ASAH1: variants seen among roughly 807,000 people sequenced by gnomAD.
The protein encoded by ASAH1 is N-acylsphingosine amidohydrolase 1, also known as acid ceramidase.
Under a neutral mutation model 59.5 loss-of-function variants are expected in ASAH1, and 70 were observed. The observed-to-expected ratio is 1.18, with a 90% CI of 0.97 to 1.43. The LOEUF (loss-of-function observed/expected upper bound fraction) is 1.43, where lower values mean the gene tolerates loss of function less well. Among genes scored for constraint, ASAH1 ranks in the 40% most tolerant of loss-of-function variants. The pLI is 0.00. For missense variants in ASAH1, 660 were observed against 482.5 expected (o/e 1.37, Z -3.45); for synonymous variants, 213 against 166.5 (o/e 1.28, Z -2.15).
At chr8:18,073,476 T>C (rs375054339) in intron 2 of ASAH1, among the ~76,000 whole-genome samples, 1 of 152,204 alleles carries the variant, frequency 6.6e-6, no homozygotes, top group Admixed American at 6.5e-5. Context: ...CTAGGTGGCA[T>C]GGAAACTAGT....
chr8:18,058,654 A>G, intron 13 of ASAH1, 181 bp downstream of exon 13: 2 of 620,466 alleles, frequency 3.2e-6, no homozygotes, highest in East Asian at 2.7e-5. Flanking sequence ...CTCAGTGATC[A>G]ATTTCTTTCT....
At chr8:18,084,340 C>T (rs925477591), upstream of ASAH1, 9 of 1,416,190 alleles carry the variant, frequency 6.4e-6, no homozygotes, top group African/African-American at 7.2e-5. Context: ...CCATCCCCCT[C>T]CCCCACCGCG....
At chr8:18,061,101 T>G in intron 10 of ASAH1, 1 of 336,140 alleles carries the variant, frequency 3.0e-6, no homozygotes, top group East Asian at 7.0e-5. Flanking sequence ...TTCTTTTGTG[T>G]GTGGGTCATT....
intron 4 of ASAH1, among the ~76,000 whole-genome samples, chr8:18,069,052 G>T (rs1800048795): frequency 6.7e-6 from 1 of 149,992 alleles, no homozygotes; most frequent in Admixed American, 6.7e-5. Context: ...GAGGCAGAAG[G>T]ATCCCTTGAG....
chr8:18,067,104 CCTGTGCTGTA>C, intron 5 of ASAH1, 106 bp downstream of exon 5: 2 of 468,626 alleles, frequency 4.3e-6, no homozygotes, highest in Non-Finnish European at 6.0e-6. Context: ...GACCTGTGCA[CCTGTGCTGTA>C]TATCTAAGAC....
intron 6 of ASAH1, chr8:18,064,046 A>G (rs1455815585): frequency 6.8e-6 from 2 of 294,808 alleles, no homozygotes; most frequent in African/African-American, 2.2e-5. Context: ...GCTGGTATCC[A>G]TTGGGTTGCC....
At position 18,059,474 on chromosome 8, in the gene ASAH1, A is replaced by G. The variant is rs1371651391; in HGVS notation, c.918-10T>C. ...CTGCTTAGCATCGAGTCTAGATACA[A>G]AAGGAGAGATTCCCTCTTAGGCTAC... On this transcript the variant is annotated splice_polypyrimidine_tract_variant and intron_variant, in intron 11 of 13. Transcript: ENST00000637790. 14 of 1,614,198 alleles carry G rather than the reference A, an allele frequency of 8.7e-6. No homozygotes were observed. Among genetic ancestry groups the G allele is most frequent in the Non-Finnish European group, 1.2e-5 (14 of 1,180,036 alleles).
At chr8:18,072,975 C>G (rs1800234413) in intron 2 of ASAH1, among the ~76,000 whole-genome samples, 1 of 152,110 alleles carries the variant, frequency 6.6e-6, no homozygotes, top group Non-Finnish European at 1.5e-5. Flanking sequence ...TGGGTAGGTT[C>G]ATGGATCTCA....
At chr8:18,084,445 C>A, upstream of ASAH1, 1 of 1,351,566 alleles carries the variant, frequency 7.4e-7, no homozygotes, top group Non-Finnish European at 9.7e-7. Flanking sequence ...CAGGCGGGTG[C>A]AGCCTGTCCC....
At position 18,062,645 on chromosome 8, in the gene ASAH1, T is replaced by C. The variant is rs143902833; in HGVS notation, c.504-222A>G. The C allele has an allele frequency of 2.6e-4, 149 of 562,570 alleles. 1 individual carries two copies. In the East Asian group the frequency reaches 4.3e-3, roughly 16 times the overall value. The allele number at this position is 562,570 out of a possible 1,614,324, so 34.8% of individuals were successfully genotyped here. The stretch of plus-strand genomic sequence containing the variant: ...CTCTCAATATCACACAGCTTATAAA[T>C]AGTGAGCCTCAGATTCAAACATAGA... On this transcript the variant is annotated intron_variant, in intron 7 of 13. Transcript: ENST00000637790.
upstream of ASAH1, chr8:18,084,380 C>T (rs1800804717): frequency 1.4e-6 from 2 of 1,404,410 alleles, no homozygotes; most frequent in East Asian, 5.4e-5. Context: ...CGGAGCCCCG[C>T]CCCGTAGGTG....
In ASAH1 at chr8:18,058,907, A is replaced by G. The variant is rs1799576370; in HGVS notation, c.1042-16T>C. ...ATGAGATATTCTAAAACACAAGAAA[A>G]TAGTTTTGTTCAGTAAGTTAAATAC... On this transcript the variant is annotated splice_polypyrimidine_tract_variant and intron_variant, in intron 12 of 13. Coordinates refer to ENST00000637790, the MANE Select transcript of ASAH1 (RefSeq NM_177924.5). 1 of 1,607,698 alleles carries G rather than the reference A, an allele frequency of 6.2e-7. No homozygotes were observed. The highest frequency in any genetic ancestry group is 8.5e-7 in the Non-Finnish European group (1 of 1,174,376).
Position 18,059,425 on chromosome 8 carries a change from T to C in ASAH1, c.957A>G (p.Thr319=), listed in dbSNP as rs1564535533. 6.2e-7 allele frequency: 1 copy of C among 1,614,194 alleles called. No individual in the cohort carries two copies. Among genetic ancestry groups the C allele is most frequent in the East Asian group, 2.2e-5 (1 of 44,880 alleles). ...AKQGRWYVVQ[T]NYDRWKHPFF... is the part of the protein sequence containing the mutation. ...AGGGATGTTTCCAACGGTCATAATT[T>C]GTTTGTACCACATACCATCTACCCT... is the stretch of plus-strand genomic sequence containing the variant. The change falls in exon 12 of 14, where the codon ACA becomes ACG. Residue 319 remains threonine, a synonymous_variant. Transcript: ENST00000637790.
intron 7 of ASAH1, chr8:18,062,778 T>C (rs540623314): frequency 2.4e-4 from 91 of 385,966 alleles, no homozygotes; most frequent in African/African-American, 1.8e-3. Flanking sequence ...TTATCTTCAC[T>C]TATGATCACA....
At chr8:18,070,294 CAT>C (rs2117058194) in intron 3 of ASAH1, among the ~76,000 whole-genome samples, 2 of 152,328 alleles carry the variant, frequency 1.3e-5, no homozygotes, top group Admixed American at 1.3e-4. Context: ...GGACTACAGG[CAT>C]GCACCACCAT....
upstream of ASAH1, chr8:18,084,771 C>T: frequency 6.2e-7 from 1 of 1,613,654 alleles, no homozygotes; most frequent in South Asian, 1.1e-5. Context: ...GACCCGCGAG[C>T]TTTCTCTCCC....
rs1179307675 is a variant in ASAH1 at position 18,075,002 on chromosome 8, C to CT, written c.125+538dup. Among the ~76,000 whole-genome samples, 147 of 140,186 alleles carry CT rather than the reference C, an allele frequency of 1.0e-3. 4 individuals are homozygous for CT. The East Asian group carries it at 0.018, about 17-fold the overall frequency. 92.0% of individuals were successfully genotyped at this position (140,186 alleles called of 152,430 possible). On this transcript the variant is annotated intron_variant, in intron 2 of 13. Coordinates refer to ENST00000637790, the MANE Select transcript of ASAH1 (RefSeq NM_177924.5). The stretch of plus-strand genomic sequence containing the variant: ...TTGAGTGGAGAATGAAAATCCTTTC[C>CT]TTTTTTTTTTTGAGACAGAGTCTCA...
At position 18,064,461 on chromosome 8, in the gene ASAH1, T is replaced by C. The variant is rs1490863488; in HGVS notation, c.453A>G (p.Lys151=). Residue 151 remains lysine, a synonymous_variant, in exon 6 of 14, where the codon AAA becomes AAG. Transcript: ENST00000637790. The part of the protein sequence containing the change: ...TICTSIVAED[K]KGHLIHGRNM... ...CCTCCCTCAGCGCACAATTACCTTT[T>C]TTGTCTTCTGCTACTATTGAAGTAC... is the stretch of plus-strand genomic sequence containing the variant. 6.4e-7 allele frequency: 1 copy of C among 1,563,592 alleles called. No individual in the cohort carries two copies. The highest frequency in any genetic ancestry group is 8.8e-7 in the Non-Finnish European group (1 of 1,135,706).
rs2283116 is a variant in ASAH1 at position 18,072,990 on chromosome 8, C to T, written c.126-1600G>A. Among the ~76,000 whole-genome samples, 10,028 of 152,058 alleles carry T rather than the reference C, an allele frequency of 0.066. 395 individuals are homozygous for T. Among genetic ancestry groups the T allele is most frequent in the Admixed American group, 0.1 (1,525 of 15,278 alleles). On this transcript the variant is annotated intron_variant, in intron 2 of 13. Transcript: ENST00000637790. ...TGGGTAGGTTCATGGATCTCAGAGACGCGATGAGAGGGGATGAACACAACA... is the reference window on the plus strand; with the variant it reads ...TGGGTAGGTTCATGGATCTCAGAGATGCGATGAGAGGGGATGAACACAACA...
Sources: allele counts gnomAD v4.1 joint callset (sites outside exome capture counted in the v4.1 genomes callset), GRCh38; gene constraint gnomAD v4.1.1; transcripts MANE v1.5; gene names NCBI Gene and HGNC (gene_info 2026-07-23, HGNC 2026-07-21).